Variants in CPQ observed in about 807,000 individuals in gnomAD.
CPQ encodes the protein Ser-Met dipeptidase.
Under a neutral mutation model 45.7 loss-of-function variants are expected in CPQ, and 37 were observed. The observed-to-expected ratio is 0.81, with a 90% CI of 0.62 to 1.07. The LOEUF is 1.07. Among genes scored for constraint, CPQ ranks in the 50% least tolerant of loss-of-function variants. The pLI is 0.00. For missense variants in CPQ, 537 were observed against 572.9 expected (o/e 0.94, Z 0.64); for synonymous variants, 186 against 205.8 (o/e 0.90, Z 0.82).
At chr8:96,747,353 A>C (rs539963410) in intron 1 of CPQ, among the ~76,000 whole-genome samples, 1 of 151,902 alleles carries the variant, frequency 6.6e-6, no homozygotes, top group Non-Finnish European at 1.5e-5. Context: ...AGGGCTGACC[A>C]ATGCATAGAG....
chr8:97,002,815 G>A (rs1809308564), intron 5 of CPQ, among the ~76,000 whole-genome samples: 1 of 152,108 alleles, frequency 6.6e-6, no homozygotes, highest in Admixed American at 6.6e-5. Context: ...GAATATCTTT[G>A]TTAATTTTCT....
intron 5 of CPQ, among the ~76,000 whole-genome samples, chr8:97,003,026 T>A (rs915369852): frequency 1.3e-5 from 2 of 152,190 alleles, no homozygotes; most frequent in Non-Finnish European, 2.9e-5. Flanking sequence ...CCCTTCTGTG[T>A]CTTTTTGTTT....
chr8:97,070,690 T>C (rs1182332705), intron 7 of CPQ, among the ~76,000 whole-genome samples: 1 of 152,204 alleles, frequency 6.6e-6, no homozygotes, highest in East Asian at 1.9e-4. Context: ...TTCAATACTT[T>C]AGTGATTCTC....
At chr8:96,811,452 A>G (rs1218877673) in intron 2 of CPQ, among the ~76,000 whole-genome samples, 1 of 152,146 alleles carries the variant, frequency 6.6e-6, no homozygotes, top group Non-Finnish European at 1.5e-5. Context: ...TTTGATGTAC[A>G]TTAACAATTC....
chr8:96,865,792 T>C (rs1430344562), intron 3 of CPQ, among the ~76,000 whole-genome samples: 2 of 151,992 alleles, frequency 1.3e-5, no homozygotes. Context: ...TTAACAGGCA[T>C]AATAATGAAA....
chr8:96,912,010 G>A (rs1451095572), intron 4 of CPQ, among the ~76,000 whole-genome samples: 1 of 152,148 alleles, frequency 6.6e-6, no homozygotes, highest in South Asian at 2.1e-4. Flanking sequence ...TGATAACGGT[G>A]CCCACCCATT....
chr8:97,070,568 A>C (rs931395148), intron 7 of CPQ, among the ~76,000 whole-genome samples: 5 of 152,172 alleles, frequency 3.3e-5, no homozygotes, highest in Admixed American at 1.3e-4. Flanking sequence ...AATAAAGGAT[A>C]CTAAGAGCCA....
In CPQ at chr8:96,943,728, T is replaced by C. The variant is rs190749960; in HGVS notation, c.850-22207T>C. ...CATCGTGGGGTCATAACATAACAAC[T>C]GTGAGAAGTGTTGTAGCTTTTTGTA... On this transcript the variant is annotated intron_variant, in intron 4 of 7. Transcript: ENST00000220763. Among the ~76,000 whole-genome samples the C allele has an allele frequency of 1.7e-3, 254 of 152,200 alleles. 3 individuals are homozygous for C. Among genetic ancestry groups the C allele is most frequent in the Admixed American group, 0.013 (196 of 15,290 alleles).
At chr8:96,843,663 T>C (rs990200662) in intron 3 of CPQ, among the ~76,000 whole-genome samples, 2 of 152,198 alleles carry the variant, frequency 1.3e-5, no homozygotes, top group African/African-American at 4.8e-5. Flanking sequence ...TGGCACACAG[T>C]AGTGCTGGAA....
intron 1 of CPQ, among the ~76,000 whole-genome samples, chr8:96,673,991 G>A (rs1192876620): frequency 1.3e-5 from 2 of 151,982 alleles, no homozygotes; most frequent in Non-Finnish European, 2.9e-5. Flanking sequence ...GGAGGAGGGG[G>A]GATACTGTCT....
intron 5 of CPQ, among the ~76,000 whole-genome samples, chr8:96,980,018 A>G (rs1239006960): frequency 6.6e-6 from 1 of 152,142 alleles, no homozygotes. Flanking sequence ...TAGGTAAGTG[A>G]GAGGCAGCAT....
chr8:96,957,843 T>C (rs1385521501), intron 4 of CPQ, among the ~76,000 whole-genome samples: 2 of 151,760 alleles, frequency 1.3e-5, no homozygotes, highest in African/African-American at 2.4e-5. Context: ...AAATGCTTTT[T>C]TTTTTTTGGA....
At chr8:96,918,742 G>A (rs1397595631) in intron 4 of CPQ, among the ~76,000 whole-genome samples, 1 of 151,978 alleles carries the variant, frequency 6.6e-6, no homozygotes, top group East Asian at 1.9e-4. Context: ...ACTGTGCCCA[G>A]GTCACTAAGT....
intron 7 of CPQ, among the ~76,000 whole-genome samples, chr8:97,127,630 A>C (rs375699997): frequency 3.3e-5 from 5 of 152,216 alleles, no homozygotes; most frequent in East Asian, 3.8e-4. Context: ...TGAAGGCTGC[A>C]GTAAGCCGAG....
In CPQ at chr8:96,870,166, A is replaced by T. The variant is rs187472168; in HGVS notation, c.642-9632A>T. The stretch of plus-strand genomic sequence containing the variant: ...GCACAGTACAGTGCTTTATATATAT[A>T]TTTTTTTGGTATGATTATCAGAAGG... On this transcript the variant is annotated intron_variant, in intron 3 of 7. Coordinates refer to ENST00000220763, the MANE Select transcript of CPQ (RefSeq NM_016134.4). Among the ~76,000 whole-genome samples, 289 of 151,698 alleles carry T rather than the reference A, an allele frequency of 1.9e-3. 1 individual carries two copies. Among genetic ancestry groups the T allele is most frequent in the African/African-American group, 5.7e-3 (235 of 41,352 alleles).
chr8:97,079,849 T>A (rs1402548548), intron 7 of CPQ, among the ~76,000 whole-genome samples: 2 of 152,186 alleles, frequency 1.3e-5, no homozygotes, highest in East Asian at 3.8e-4. Flanking sequence ...TTTAAAATGA[T>A]AACCAGTCGG....
chr8:97,021,969 C>A (rs910991537), intron 5 of CPQ, among the ~76,000 whole-genome samples: 2 of 152,078 alleles, frequency 1.3e-5, no homozygotes, highest in African/African-American at 4.8e-5. Context: ...TGTCACATTA[C>A]CTGATTACAA....
intron 7 of CPQ, among the ~76,000 whole-genome samples, chr8:97,127,951 T>A: frequency 6.6e-6 from 1 of 152,208 alleles, no homozygotes; most frequent in Non-Finnish European, 1.5e-5. Context: ...AGGAATGGAC[T>A]GAAAAGGACC....
chr8:96,873,377 G>T (rs887656179), intron 3 of CPQ, among the ~76,000 whole-genome samples: 1 of 150,896 alleles, frequency 6.6e-6, no homozygotes, highest in Non-Finnish European at 1.5e-5. Flanking sequence ...TGTGAATTAT[G>T]GTGTAAATGA....
Sources: gnomAD v4.1 joint callset for allele counts (sites outside exome capture counted in the v4.1 genomes callset) on GRCh38, gnomAD v4.1.1 for gene constraint, MANE v1.5 for transcripts, NCBI Gene and HGNC (gene_info 2026-07-23, HGNC 2026-07-21) for gene names.